The following SORBS2 variants were observed in gnomAD, a reference collection of about 807,000 sequenced individuals.
SORBS2 encodes the protein sorbin and SH3 domain-containing protein 2.
SORBS2 carries 46 observed loss-of-function variants against 97.7 expected under a neutral mutation model. The ratio of observed to expected loss-of-function variants is 0.47; its 90% confidence interval spans 0.37 to 0.60. The LOEUF (loss-of-function observed/expected upper bound fraction) is 0.60, where lower values mean the gene tolerates loss of function less well. Ranked by LOEUF, SORBS2 falls within the 20% of genes least tolerant of loss-of-function variation. The probability of loss-of-function intolerance (pLI) is 0.00; values close to 1 mark genes in which losing one functional copy is unlikely to be tolerated. For synonymous variants in SORBS2, 476 were observed against 473.4 expected (o/e 1.01, Z -0.07); for missense variants, 1,316 against 1,282.3 (o/e 1.03, Z -0.40).
At chr4:185,596,553 T>TTTTTA (rs2096095262) in intron 12 of SORBS2, among the ~76,000 whole-genome samples, 1 of 146,430 alleles carries the variant, frequency 6.8e-6, no homozygotes, top group African/African-American at 2.6e-5. Flanking sequence ...TTTTTTTTTT[T>TTTTTA]GAGATGGAGT....
At chr4:185,741,404 G>GTT (rs58376567) in intron 2 of SORBS2, among the ~76,000 whole-genome samples, 6,925 of 111,622 alleles carry the variant, frequency 0.062, 511 homozygotes, top group East Asian at 0.21. Flanking sequence ...TTTTTTTTTT[G>GTT]TTTTTTTTTT....
At chr4:185,676,469 A>C (rs1426321750) in intron 4 of SORBS2, among the ~76,000 whole-genome samples, 1 of 152,242 alleles carries the variant, frequency 6.6e-6, no homozygotes, top group Non-Finnish European at 1.5e-5. Context: ...TGGCTAATAC[A>C]CTTTCTGAAA....
rs553606365 is a variant in SORBS2, at chr4:185,591,327, C to G, written c.2847-1542G>C. Reference sequence around the variant, plus strand: ...AGTAGACCTTACAGCCACTTATATCCTTTTGAGCATGGGCTTCTGAGGCCT... The same window carrying G: ...AGTAGACCTTACAGCCACTTATATCGTTTTGAGCATGGGCTTCTGAGGCCT... On this transcript the variant is annotated intron_variant, in intron 13 of 14. Transcript: ENST00000418609. Among the ~76,000 whole-genome samples, 24 of 152,308 alleles carry G rather than the reference C, an allele frequency of 1.6e-4. No homozygotes were observed. The South Asian group carries it at 4.6e-3, about 29-fold the overall frequency.
At chr4:185,859,880 C>A (rs1217729322) in intron 1 of SORBS2, among the ~76,000 whole-genome samples, 2 of 152,054 alleles carry the variant, frequency 1.3e-5, no homozygotes, top group Non-Finnish European at 2.9e-5. Context: ...TGCTTAGAGA[C>A]AATGAACAGG....
At chr4:185,657,644 T>A (rs1275933557), upstream of SORBS2, 1 of 1,517,152 alleles carries the variant, frequency 6.6e-7, no homozygotes, top group Non-Finnish European at 9.0e-7. Context: ...GCACAGGGAA[T>A]CATAAATTCA....
intron 4 of SORBS2, among the ~76,000 whole-genome samples, chr4:185,669,586 G>A (rs900862816): frequency 5.3e-5 from 8 of 152,106 alleles, no homozygotes; most frequent in South Asian, 2.1e-4. Context: ...GAAAGTGCTC[G>A]TTGGGGTGCA....
At position 185,815,615 on chromosome 4, in the gene SORBS2, T is replaced by C. The variant is rs559315852; in HGVS notation, c.-337-40249A>G. ...ATATATTATCATCAAAGAATACATA[T>C]ACACACACATATATATGCTCTAATA... On this transcript the variant is annotated intron_variant, in intron 1 of 20. Transcript: ENST00000284776. 8.5e-5 allele frequency among the ~76,000 whole-genome samples: 13 copies of C among 152,268 alleles called. No homozygotes were observed. In the South Asian group the frequency reaches 2.7e-3, roughly 32 times the overall value.
chr4:185,924,067 G>A (rs79205277), intron 1 of SORBS2, among the ~76,000 whole-genome samples: 98 of 152,300 alleles, frequency 6.4e-4, no homozygotes, highest in Middle Eastern at 3.4e-3. Context: ...AGGAACCCAG[G>A]AGGTCACAGT....
intron 1 of SORBS2, among the ~76,000 whole-genome samples, chr4:185,956,041 C>G (rs533627831): frequency 6.6e-6 from 1 of 152,318 alleles, no homozygotes; most frequent in East Asian, 1.9e-4. Context: ...TGCTTAGTAG[C>G]TTCTCCCCCA....
chr4:185,659,480 G>T (rs1024089720), upstream of SORBS2, among the ~76,000 whole-genome samples: 1 of 151,770 alleles, frequency 6.6e-6, no homozygotes, highest in East Asian at 1.9e-4. Context: ...GCAGTGGCGC[G>T]ATCTCGGCTC....
intron 1 of SORBS2, among the ~76,000 whole-genome samples, chr4:185,855,249 G>A (rs368272408): frequency 6.6e-6 from 1 of 152,172 alleles, no homozygotes; most frequent in Admixed American, 6.5e-5. Context: ...TTTATGAAGA[G>A]TTCATTTGAA....
chr4:185,721,857 A>G (rs1011374199), intron 2 of SORBS2, among the ~76,000 whole-genome samples: 2 of 152,226 alleles, frequency 1.3e-5, no homozygotes, highest in Admixed American at 6.5e-5. Flanking sequence ...CCGTATAATT[A>G]GGCCCTGTGT....
Position 185,624,139 on chromosome 4 carries a change from G to T in SORBS2, c.990C>A (p.Tyr330Ter), listed in dbSNP as rs754613446. Residue 330 changes from tyrosine (Y) to a stop codon, truncating the protein, a stop_gained, in exon 7 of 15, where the codon TAC (tyrosine) becomes TAA (stop). Coordinates refer to ENST00000418609, the Ensembl canonical transcript of SORBS2. LOFTEE classifies it high-confidence loss of function. ...TGCCGTTACTGCGAACCTCCGGGAC[G>T]TAGGGGGACCCCCACGCCATGGGGC... 2 of 1,614,234 alleles carry T rather than the reference G, an allele frequency of 1.2e-6. No individual in the cohort carries two copies. Among genetic ancestry groups the T allele is most frequent in the Non-Finnish European group, 1.7e-6 (2 of 1,180,032 alleles).
intron 2 of SORBS2, among the ~76,000 whole-genome samples, chr4:185,683,860 T>C (rs1012066318): frequency 1.3e-5 from 2 of 152,162 alleles, no homozygotes; most frequent in African/African-American, 4.8e-5. Context: ...TTAATCAACT[T>C]CTAGATGTAT....
chr4:185,622,989 G>C, exon 7 of SORBS2: 1 of 1,614,038 alleles, frequency 6.2e-7, no homozygotes, highest in Non-Finnish European at 8.5e-7. Context: ...GAGGCACTGC[G>C]GGGCATTCTC....
intron 2 of SORBS2, among the ~76,000 whole-genome samples, chr4:185,745,527 A>G (rs543660216): frequency 6.6e-6 from 1 of 152,206 alleles, no homozygotes; most frequent in East Asian, 1.9e-4. Flanking sequence ...TCCTCATAGC[A>G]CCTGTGCACC....
intron 2 of SORBS2, among the ~76,000 whole-genome samples, chr4:185,756,527 A>T (rs545726549): frequency 6.6e-6 from 1 of 152,322 alleles, no homozygotes; most frequent in South Asian, 2.1e-4. Context: ...ATTCATTGTT[A>T]ATTTTGTCTG....
At chr4:185,611,759 C>CATAA in intron 12 of SORBS2, 21 bp downstream of exon 24, 1 of 1,591,532 alleles carries the variant, frequency 6.3e-7, no homozygotes, top group Middle Eastern at 1.7e-4. Context: ...ATTACATTAA[C>CATAA]ATGATAGAGT....
chr4:185,870,984 C>G (rs1409180661), intron 1 of SORBS2, among the ~76,000 whole-genome samples: 1 of 152,088 alleles, frequency 6.6e-6, no homozygotes, highest in East Asian at 1.9e-4. Flanking sequence ...ATTACTGGAC[C>G]CTCGGGCAAG....
Sources: gnomAD v4.1 joint callset for allele counts (sites outside exome capture counted in the v4.1 genomes callset) on GRCh38, gnomAD v4.1.1 for gene constraint, MANE v1.5 for transcripts, NCBI Gene and HGNC (gene_info 2026-07-23, HGNC 2026-07-21) for gene names.